Variants in TENM2 observed in about 807,000 individuals in gnomAD.
TENM2 encodes teneurin-2.
In TENM2, 52 loss-of-function variants were observed where a neutral mutation model predicts 245.2. That is an observed-to-expected ratio of 0.21 (90% confidence interval 0.17 to 0.27). The LOEUF is 0.27. Among genes scored for constraint, TENM2 ranks in the 10% least tolerant of loss-of-function variants. The probability of loss-of-function intolerance (pLI) is 1.00; values close to 1 mark genes in which losing one functional copy is unlikely to be tolerated. For missense variants in TENM2, 3,046 were observed against 3,666.8 expected (o/e 0.83, Z 4.37); for synonymous variants, 1,363 against 1,438.9 (o/e 0.95, Z 1.19).
chr5:168,246,794 T>C lies in TENM2; in HGVS notation c.5855T>C (p.Ile1952Thr), dbSNP rs865946929. 2.5e-6 allele frequency: 4 copies of C among 1,613,966 alleles called. No homozygotes were observed. In the African/African-American group the frequency reaches 4.0e-5, roughly 16 times the overall value. ...CTGCTTCAGAGCCAACGTCAGTATA[T>C]ATTTGAGTATGACTCCTCTGACCGC... Residue 1952 changes from isoleucine (I) to threonine (T), a missense_variant, in exon 27 of 29, where the codon ATA (isoleucine) becomes ACA (threonine). Transcript: ENST00000518659.
the TENM2 span, among the ~76,000 whole-genome samples, chr5:167,269,161 A>G: frequency 6.6e-6 from 1 of 152,162 alleles, no homozygotes; most frequent in African/African-American, 2.4e-5. Context: ...TCTTATGTAA[A>G]TGCTGCAAAT....
intron 4 of TENM2, among the ~76,000 whole-genome samples, chr5:167,985,215 G>T (rs1050791068): frequency 5.9e-5 from 9 of 152,184 alleles, no homozygotes; most frequent in African/African-American, 1.7e-4. Flanking sequence ...CATTCCTGGG[G>T]TGTTTCTGCC....
intron 5 of TENM2, among the ~76,000 whole-genome samples, chr5:168,041,134 C>A (rs1265752438): frequency 6.6e-6 from 1 of 152,116 alleles, no homozygotes; most frequent in African/African-American, 2.4e-5. Flanking sequence ...TGAATGGAGT[C>A]TCTAGGAGGA....
chr5:167,600,073 G>C (rs2127725537), intron 2 of TENM2, among the ~76,000 whole-genome samples: 1 of 21,106 alleles, frequency 4.7e-5, no homozygotes, highest in Admixed American at 3.7e-4. Flanking sequence ...TTGAACCCAG[G>C]AGGCGGAGTT....
At chr5:167,742,243 A>C (rs1203555786) in intron 2 of TENM2, among the ~76,000 whole-genome samples, 1 of 152,068 alleles carries the variant, frequency 6.6e-6, no homozygotes, top group Non-Finnish European at 1.5e-5. Context: ...TTTGGAGCTC[A>C]CTATCCCCTT....
At chr5:167,894,151 C>T (rs188886939) in intron 3 of TENM2, among the ~76,000 whole-genome samples, 2 of 152,208 alleles carry the variant, frequency 1.3e-5, no homozygotes, top group Admixed American at 6.5e-5. Flanking sequence ...ACCCAGTAAG[C>T]ACCATTCCTG....
intron 12 of TENM2, among the ~76,000 whole-genome samples, chr5:168,161,293 A>T (rs1431155857): frequency 1.3e-5 from 2 of 152,194 alleles, no homozygotes; most frequent in Admixed American, 6.5e-5. Context: ...GTAGAAAAAA[A>T]TGGAAACAGA....
At chr5:167,753,820 G>T (rs920644528) in intron 2 of TENM2, among the ~76,000 whole-genome samples, 7 of 152,102 alleles carry the variant, frequency 4.6e-5, no homozygotes, top group African/African-American at 1.7e-4. Context: ...CACTGATCAT[G>T]GTGTATTCCA....
At chr5:167,691,715 A>G (rs1757439159) in intron 2 of TENM2, among the ~76,000 whole-genome samples, 1 of 152,128 alleles carries the variant, frequency 6.6e-6, no homozygotes, top group Non-Finnish European at 1.5e-5. Context: ...CCCTGACTTC[A>G]GGGAAGAGAC....
the TENM2 span, among the ~76,000 whole-genome samples, chr5:167,023,521 A>T: frequency 1.9e-4 from 29 of 152,210 alleles, no homozygotes; most frequent in Admixed American, 3.9e-4. Context: ...TGAGCATAAA[A>T]GTGTTGATAA....
intron 27 of TENM2, among the ~76,000 whole-genome samples, chr5:168,253,636 A>G (rs556357933): frequency 1.4e-3 from 215 of 152,016 alleles, no homozygotes; most frequent in Non-Finnish European, 2.0e-3. Context: ...CGTGTTAGCC[A>G]GGATGGTCTC....
chr5:167,547,025 C>A (rs542324078), intron 2 of TENM2, among the ~76,000 whole-genome samples: 2 of 152,110 alleles, frequency 1.3e-5, no homozygotes, highest in East Asian at 1.9e-4. Context: ...TATTCCAGTG[C>A]GACTTAAACT....
the TENM2 span, among the ~76,000 whole-genome samples, chr5:167,147,758 G>A: frequency 6.6e-6 from 1 of 152,000 alleles, no homozygotes. Flanking sequence ...TACCTTGATG[G>A]AGCATCTAGT....
intron 27 of TENM2, among the ~76,000 whole-genome samples, chr5:168,258,546 G>A (rs913512479): frequency 2.6e-5 from 4 of 152,216 alleles, no homozygotes; most frequent in African/African-American, 9.6e-5. Context: ...GTATCAACTG[G>A]TAAATGGATA....
intron 2 of TENM2, among the ~76,000 whole-genome samples, chr5:167,808,772 A>G (rs1034316973): frequency 6.6e-6 from 1 of 152,212 alleles, no homozygotes; most frequent in African/African-American, 2.4e-5. Context: ...TGCAAAACTT[A>G]TAACTTGTCT....
intron 5 of TENM2, among the ~76,000 whole-genome samples, chr5:168,034,095 A>ATATATATATGTG (rs1787406403): frequency 1.0e-5 from 1 of 95,342 alleles, no homozygotes; most frequent in African/African-American, 4.0e-5. Context: ...ATATATGTGT[A>ATATATATATGTG]TATATATATG....
At chr5:167,493,046 G>A (rs1768538309) in intron 2 of TENM2, among the ~76,000 whole-genome samples, 1 of 152,098 alleles carries the variant, frequency 6.6e-6, no homozygotes, top group African/African-American at 2.4e-5. Context: ...AACCCTTCCT[G>A]CTGTGGGATT....
intron 1 of TENM2, among the ~76,000 whole-genome samples, chr5:167,351,192 G>GAT (rs913860234): frequency 5.9e-4 from 87 of 148,650 alleles, no homozygotes; most frequent in South Asian, 6.4e-4. Flanking sequence ...GATATATATG[G>GAT]ATATATATAT....
At chr5:167,152,766 G>A in the TENM2 span, among the ~76,000 whole-genome samples, 26 of 152,130 alleles carry the variant, frequency 1.7e-4, no homozygotes, top group Admixed American at 1.1e-3. Flanking sequence ...CTGGACAAGA[G>A]GATGACTCAC....
Sources: gnomAD v4.1 joint callset for allele counts (sites outside exome capture counted in the v4.1 genomes callset) on GRCh38, gnomAD v4.1.1 for gene constraint, MANE v1.5 for transcripts, NCBI Gene and HGNC (gene_info 2026-07-23, HGNC 2026-07-21) for gene names.